AGAP1: variants seen among roughly 807,000 people sequenced by gnomAD.
The protein encoded by AGAP1 is arf-GAP with GTPase, ANK repeat and PH domain-containing protein 1.
A neutral mutation model predicts 105.3 loss-of-function variants in AGAP1; 29 were observed. That is an observed-to-expected ratio of 0.28 (90% CI 0.21 to 0.38). The LOEUF (loss-of-function observed/expected upper bound fraction) is 0.38. Ranked by LOEUF, AGAP1 falls within the 10% of genes least tolerant of loss-of-function variation. The probability of loss-of-function intolerance (pLI) is 1.00; values close to 1 mark genes in which losing one functional copy is unlikely to be tolerated. For missense variants in AGAP1, 998 were observed against 1,165.1 expected (o/e 0.86, Z 2.09); for synonymous variants, 509 against 485.9 (o/e 1.05, Z -0.63).
At chr2:235,746,703 C>T (rs905452756) in intron 5 of AGAP1, among the ~76,000 whole-genome samples, 4 of 152,122 alleles carry the variant, frequency 2.6e-5, no homozygotes, top group Non-Finnish European at 5.9e-5. Context: ...AGCTCCCCTT[C>T]CTGCAGGCCC....
At chr2:236,060,863 ACCTG>A (rs1302656853) in intron 16 of AGAP1, among the ~76,000 whole-genome samples, 2 of 152,076 alleles carry the variant, frequency 1.3e-5, no homozygotes, top group Non-Finnish European at 2.9e-5. Context: ...GCATCTCAAG[ACCTG>A]CCTGATCAAC....
chr2:236,073,281 C>T lies in AGAP1; in HGVS notation c.2114+24000C>T, dbSNP rs991507948. On this transcript the variant is annotated intron_variant, in intron 16 of 17. Coordinates refer to ENST00000304032, the MANE Select transcript of AGAP1 (RefSeq NM_001037131.3). This position sits in a 1 kb window ranked among gnomAD's most constrained non-coding sequence, Gnocchi z 5.4. The stretch of plus-strand genomic sequence containing the variant: ...AAGTGCTGGGATTACAGATGTGAGC[C>T]ACCGTGCCTGGCCTATATTCTTCTT... Among the ~76,000 whole-genome samples the T allele has an allele frequency of 1.3e-5, 2 of 152,192 alleles. No individual in the cohort carries two copies. The highest frequency in any genetic ancestry group is 4.8e-5 in the African/African-American group (2 of 41,446).
intron 12 of AGAP1, among the ~76,000 whole-genome samples, chr2:235,955,929 C>T (rs1472095515): frequency 6.6e-6 from 1 of 152,184 alleles, no homozygotes; most frequent in African/African-American, 2.4e-5. Context: ...AGGACACTTT[C>T]CTGTGCAGCA....
intron 9 of AGAP1, among the ~76,000 whole-genome samples, chr2:235,820,695 A>G (rs1395463442): frequency 2.0e-5 from 3 of 152,260 alleles, no homozygotes; most frequent in Admixed American, 6.5e-5. Context: ...ATACAAATAT[A>G]TAAAACAGCT....
Position 236,051,533 on chromosome 2 carries a change from C to T in AGAP1, c.2114+2252C>T, listed in dbSNP as rs1433923536. Among the ~76,000 whole-genome samples the T allele has an allele frequency of 2.0e-5, 3 of 152,020 alleles. No homozygotes were observed. The highest frequency in any genetic ancestry group is 4.8e-5 in the African/African-American group (2 of 41,390). On this transcript the variant is annotated intron_variant, in intron 16 of 17. Transcript: ENST00000304032. This position sits in a 1 kb window ranked among gnomAD's most constrained non-coding sequence, Gnocchi z 5.9. ...GCGGGCTGGAGGGTGGGAGTGGCCT[C>T]GGTGGATGCAGGCTCGGCCGGGCCT...
rs985691673 is a variant in AGAP1 at position 235,979,394 on chromosome 2, G to A, written c.1645+10771G>A. Among the ~76,000 whole-genome samples the A allele has an allele frequency of 1.3e-5, 2 of 152,128 alleles. No individual in the cohort carries two copies. Among genetic ancestry groups the A allele is most frequent in the African/African-American group, 4.8e-5 (2 of 41,430 alleles). Reference sequence around the variant, plus strand: ...TAAGTGTTAATCAAATGCCTGTCTCGCCTGGCTGCGGGGTCCGATCATAGT... The same window carrying A: ...TAAGTGTTAATCAAATGCCTGTCTCACCTGGCTGCGGGGTCCGATCATAGT... On this transcript the variant is annotated intron_variant, in intron 13 of 17. Transcript: ENST00000304032. The surrounding 1 kb of genome is among the most constrained non-coding windows in gnomAD (Gnocchi z 4.5).
At chr2:235,637,818 G>A (rs1947056429) in intron 1 of AGAP1, among the ~76,000 whole-genome samples, 1 of 152,168 alleles carries the variant, frequency 6.6e-6, no homozygotes, top group African/African-American at 2.4e-5. Flanking sequence ...CTGGAGAACT[G>A]GGAAGACTGG....
chr2:235,503,440 G>T (rs1489246746), intron 1 of AGAP1, among the ~76,000 whole-genome samples: 1 of 152,120 alleles, frequency 6.6e-6, no homozygotes, highest in African/African-American at 2.4e-5. Flanking sequence ...TTTGGGAGGG[G>T]ATGGTGTGAT....
At chr2:235,757,255 G>T (rs1049684753) in intron 6 of AGAP1, among the ~76,000 whole-genome samples, 2 of 152,258 alleles carry the variant, frequency 1.3e-5, no homozygotes, top group Admixed American at 6.5e-5. Flanking sequence ...TCCTAGAACA[G>T]ATCTGCATTA....
rs1943869743 is a variant in AGAP1, at chr2:235,553,251, G to T, written c.163+58402G>T. On this transcript the variant is annotated intron_variant, in intron 1 of 17. Coordinates refer to ENST00000304032, the MANE Select transcript of AGAP1 (RefSeq NM_001037131.3). This position sits in a 1 kb window ranked among gnomAD's most constrained non-coding sequence, Gnocchi z 4.5. The stretch of plus-strand genomic sequence containing the variant: ...AGATTTTAGGCTTTTTATATTAAGG[G>T]CTGGGGGAAGAGGAGGGGGTTGAGA... Among the ~76,000 whole-genome samples the T allele has an allele frequency of 1.3e-5, 2 of 151,654 alleles. No individual in the cohort carries two copies. Among genetic ancestry groups the T allele is most frequent in the East Asian group, 3.9e-4 (2 of 5,134 alleles).
chr2:235,811,344 A>G (rs1958128852), intron 9 of AGAP1, among the ~76,000 whole-genome samples: 1 of 152,176 alleles, frequency 6.6e-6, no homozygotes, highest in Non-Finnish European at 1.5e-5. Flanking sequence ...AAGGATTTGA[A>G]TTTTTTGAAA....
chr2:235,708,218 G>T (rs989254879), intron 1 of AGAP1, among the ~76,000 whole-genome samples: 9 of 152,234 alleles, frequency 5.9e-5, no homozygotes, highest in African/African-American at 2.2e-4. Context: ...TATATTGGAA[G>T]TAAATCCCAT....
chr2:235,562,885 C>T (rs1389101410), intron 1 of AGAP1, among the ~76,000 whole-genome samples: 1 of 151,936 alleles, frequency 6.6e-6, no homozygotes, highest in African/African-American at 2.4e-5. Context: ...GGGGAGATCC[C>T]CATCTCTTTT....
chr2:235,932,881 A>G (rs370691093), intron 12 of AGAP1, among the ~76,000 whole-genome samples: 1 of 152,230 alleles, frequency 6.6e-6, no homozygotes, highest in Admixed American at 6.5e-5. Flanking sequence ...GTCTGCACGC[A>G]TGCATTTGTA....
chr2:235,970,797 A>T lies in AGAP1; in HGVS notation c.1645+2174A>T, dbSNP rs1436906791. Reference sequence around the variant, plus strand: ...CGGTGAGTTTGAAGGAAGTTTGACAAGTGACCGTGACCACGTTGGACGCCT... The same window carrying T: ...CGGTGAGTTTGAAGGAAGTTTGACATGTGACCGTGACCACGTTGGACGCCT... On this transcript the variant is annotated intron_variant, in intron 13 of 17. Coordinates refer to ENST00000304032, the MANE Select transcript of AGAP1 (RefSeq NM_001037131.3). The surrounding 1 kb of genome is among the most constrained non-coding windows in gnomAD (Gnocchi z 5.4). Among the ~76,000 whole-genome samples, 1 of 152,178 alleles carries T rather than the reference A, an allele frequency of 6.6e-6. No individual in the cohort carries two copies. The highest frequency in any genetic ancestry group is 1.5e-5 in the Non-Finnish European group (1 of 68,034).
At chr2:236,010,348 T>A (rs897074243) in intron 13 of AGAP1, among the ~76,000 whole-genome samples, 1 of 152,200 alleles carries the variant, frequency 6.6e-6, no homozygotes, top group Admixed American at 6.5e-5. Flanking sequence ...TTTGAAAAGA[T>A]CGTGACTGTC....
At chr2:235,852,419 C>G (rs1421334627) in intron 9 of AGAP1, among the ~76,000 whole-genome samples, 1 of 152,216 alleles carries the variant, frequency 6.6e-6, no homozygotes, top group Non-Finnish European at 1.5e-5. Context: ...AACCCCGAAA[C>G]AGGCCGCCTT....
intron 11 of AGAP1, among the ~76,000 whole-genome samples, chr2:235,929,642 G>A (rs1334869546): frequency 1.3e-5 from 2 of 152,144 alleles, no homozygotes; most frequent in Non-Finnish European, 2.9e-5. Flanking sequence ...GGATCGCAGT[G>A]AGGCCGCTTG....
chr2:235,512,667 G>C (rs1267489020), intron 1 of AGAP1, among the ~76,000 whole-genome samples: 1 of 152,156 alleles, frequency 6.6e-6, no homozygotes, highest in Admixed American at 6.5e-5. Flanking sequence ...TTCCCTGTTA[G>C]GATTTGCCAT....
Sources: gnomAD v4.1 joint callset for allele counts (sites outside exome capture counted in the v4.1 genomes callset) on GRCh38, gnomAD v4.1.1 for gene constraint, Gnocchi (gnomAD v3.1) non-coding constraint, MANE v1.5 for transcripts, NCBI Gene and HGNC (gene_info 2026-07-23, HGNC 2026-07-21) for gene names.